Variants in ERBB4 observed in about 807,000 individuals in gnomAD.
The protein encoded by ERBB4 is erb-b2 receptor tyrosine kinase 4.
ERBB4 carries 42 observed loss-of-function variants against 158.0 expected under a neutral mutation model. The observed-to-expected ratio is 0.27, with a 90% CI of 0.21 to 0.34. The LOEUF is 0.34. ERBB4 is among the 10% of genes least tolerant of loss of function. The probability of loss-of-function intolerance (pLI) is 1.00; values close to 1 mark genes in which losing one functional copy is unlikely to be tolerated. For synonymous variants in ERBB4, 583 were observed against 558.7 expected, an observed-to-expected ratio of 1.04 and a Z score of -0.61; for missense variants, 1,333 against 1,624.1, an observed-to-expected ratio of 0.82 and a Z score of 3.08.
chr2:211,886,787 G>A (rs777421818), intron 3 of ERBB4, among the ~76,000 whole-genome samples: 1 of 152,174 alleles, frequency 6.6e-6, no homozygotes, highest in Non-Finnish European at 1.5e-5. Flanking sequence ...CATGCAGACT[G>A]TCCTATTACT....
intron 25 of ERBB4, among the ~76,000 whole-genome samples, chr2:211,395,963 A>C (rs1574406699): frequency 6.6e-6 from 1 of 152,062 alleles, no homozygotes; most frequent in East Asian, 1.9e-4. Flanking sequence ...TTTAGGGATT[A>C]AAATAATTGT....
rs1346935482 is a variant in ERBB4, at chr2:211,413,308, A to AC, written c.3135+7132_3135+7133insG. ...GGGACAGAGAGAGACCCTGTCTTAA[A>AC]AACACACACACACACACACACACAC... On this transcript the variant is annotated intron_variant, in intron 25 of 27. Transcript: ENST00000342788. 8.0e-5 allele frequency among the ~76,000 whole-genome samples: 9 copies of AC among 111,856 alleles called. 1 individual carries two copies. Among genetic ancestry groups the AC allele is most frequent in the South Asian group, 4.9e-4 (2 of 4,054 alleles). 73.4% of individuals were successfully genotyped at this position (111,856 alleles called of 152,430 possible).
chr2:211,917,391 C>T (rs1026932529), intron 3 of ERBB4, among the ~76,000 whole-genome samples: 1 of 152,102 alleles, frequency 6.6e-6, no homozygotes, highest in Non-Finnish European at 1.5e-5. Context: ...GGGAGAAATA[C>T]TATCTCATAT....
chr2:212,167,523 A>G (rs1321054906), intron 1 of ERBB4, among the ~76,000 whole-genome samples: 1 of 152,144 alleles, frequency 6.6e-6, no homozygotes, highest in Non-Finnish European at 1.5e-5. Context: ...ATTATGGAAG[A>G]CAGTATGGCT....
intron 20 of ERBB4, among the ~76,000 whole-genome samples, chr2:211,521,410 A>C (rs1405724710): frequency 2.6e-5 from 4 of 152,196 alleles, no homozygotes; most frequent in African/African-American, 4.8e-5. Context: ...TGACAGAAGT[A>C]AGGAAGCTGC....
intron 4 of ERBB4, among the ~76,000 whole-genome samples, chr2:211,768,480 G>A (rs1432471604): frequency 1.3e-5 from 2 of 152,184 alleles, no homozygotes; most frequent in Admixed American, 1.3e-4. Context: ...GGTTCTCCAT[G>A]AGAGCTCTTC....
chr2:212,314,973 T>A (rs997868131), intron 1 of ERBB4, among the ~76,000 whole-genome samples: 3 of 151,286 alleles, frequency 2.0e-5, no homozygotes, highest in Non-Finnish European at 4.4e-5. Context: ...TTTATTTGGT[T>A]TTTTAAAAGG....
chr2:212,507,524 T>C (rs1182980755), intron 1 of ERBB4, among the ~76,000 whole-genome samples: 1 of 152,140 alleles, frequency 6.6e-6, no homozygotes, highest in Non-Finnish European at 1.5e-5. Context: ...TAATGATTCA[T>C]TGGCGAAGGT....
At chr2:211,712,692 G>T (rs1020700278) in intron 8 of ERBB4, among the ~76,000 whole-genome samples, 69 of 151,898 alleles carry the variant, frequency 4.5e-4, no homozygotes, top group African/African-American at 1.4e-3. Flanking sequence ...AAAATCAAGG[G>T]CCATTCAAAT....
intron 1 of ERBB4, among the ~76,000 whole-genome samples, chr2:212,445,744 G>T (rs1485596668): frequency 2.6e-5 from 4 of 152,158 alleles, no homozygotes; most frequent in Non-Finnish European, 5.9e-5. Context: ...CAGGAATGAA[G>T]GTTTGGGTCA....
At chr2:212,534,059 C>A (rs1043977856) in intron 1 of ERBB4, among the ~76,000 whole-genome samples, 1 of 152,156 alleles carries the variant, frequency 6.6e-6, no homozygotes, top group African/African-American at 2.4e-5. Context: ...GTTTTAGGCA[C>A]TTACAAACTA....
At chr2:211,883,572 G>A (rs556878086) in intron 3 of ERBB4, among the ~76,000 whole-genome samples, 1 of 152,226 alleles carries the variant, frequency 6.6e-6, no homozygotes, top group African/African-American at 2.4e-5. Context: ...GAGGTCAGGA[G>A]TTCTAGACCA....
chr2:211,710,389 A>C (rs2106074009), intron 9 of ERBB4, among the ~76,000 whole-genome samples: 1 of 152,272 alleles, frequency 6.6e-6, no homozygotes, highest in South Asian at 2.1e-4. Flanking sequence ...AAATATAGTC[A>C]AATTGTGGGT....
At chr2:211,591,798 G>A (rs2068475240) in intron 19 of ERBB4, among the ~76,000 whole-genome samples, 1 of 152,180 alleles carries the variant, frequency 6.6e-6, no homozygotes, top group South Asian at 2.1e-4. Context: ...AAAAATCCCA[G>A]TGTGAATCCT....
rs138122499 is a variant in ERBB4 at position 211,962,265 on chromosome 2, G to A, written c.235-14649C>T. Reference sequence around the variant, plus strand: ...CTTGCCTTTTCACATCTCTCCAATTGATATATGAAATCAGAAACCAAACAA... The same window carrying A: ...CTTGCCTTTTCACATCTCTCCAATTAATATATGAAATCAGAAACCAAACAA... On this transcript the variant is annotated intron_variant, in intron 2 of 27. Transcript: ENST00000342788. Among the ~76,000 whole-genome samples the A allele has an allele frequency of 3.5e-4, 54 of 152,204 alleles. No individual in the cohort carries two copies. The East Asian group carries it at 0.01, about 29-fold the overall frequency.
At chr2:211,648,185 A>G (rs2070848487) in intron 16 of ERBB4, among the ~76,000 whole-genome samples, 1 of 151,756 alleles carries the variant, frequency 6.6e-6, no homozygotes, top group Admixed American at 6.6e-5. Flanking sequence ...TATTTTCCTC[A>G]TAAAATTTGT....
intron 19 of ERBB4, among the ~76,000 whole-genome samples, chr2:211,611,919 G>C (rs1324506512): frequency 6.6e-6 from 1 of 152,112 alleles, no homozygotes; most frequent in African/African-American, 2.4e-5. Context: ...ACTAAGGAAA[G>C]TTATTGGCCT....
intron 3 of ERBB4, among the ~76,000 whole-genome samples, chr2:211,932,918 T>A (rs1342677368): frequency 6.6e-6 from 1 of 152,050 alleles, no homozygotes; most frequent in East Asian, 1.9e-4. Flanking sequence ...TATTTAATAA[T>A]GAACCAAAAG....
intron 27 of ERBB4, among the ~76,000 whole-genome samples, 194 bp from the exon 28 acceptor site, chr2:211,384,254 A>ATAAT (rs1246457383): frequency 2.6e-5 from 4 of 152,190 alleles, no homozygotes; most frequent in Non-Finnish European, 5.9e-5. Context: ...AAAAATGTTT[A>ATAAT]TAATAAAACA....
Sources: allele counts gnomAD v4.1 joint callset (sites outside exome capture counted in the v4.1 genomes callset), GRCh38; gene constraint gnomAD v4.1.1; transcripts MANE v1.5; gene names NCBI Gene and HGNC (gene_info 2026-07-23, HGNC 2026-07-21).